PPM1L: variants seen among roughly 807,000 people sequenced by gnomAD.
The protein encoded by PPM1L is protein phosphatase 1L.
In PPM1L, 13 loss-of-function variants were observed where a neutral mutation model predicts 31.4. The observed-to-expected ratio is 0.41, with a 90% CI of 0.27 to 0.66. The LOEUF is 0.66. Ranked by LOEUF, PPM1L falls within the 30% of genes least tolerant of loss-of-function variation. The pLI is 0.29. For missense variants in PPM1L, 326 were observed against 453.7 expected (o/e 0.72, Z 2.56); for synonymous variants, 184 against 175.4 (o/e 1.05, Z -0.39).
chr3:160,803,667 A>G lies in PPM1L; in HGVS notation c.399+46960A>G, dbSNP rs1341324547. On this transcript the variant is annotated intron_variant, in intron 1 of 3. Coordinates refer to ENST00000498165, the MANE Select transcript of PPM1L (RefSeq NM_139245.4). ...TGGCTCCACTTAGATGACTTTGTTT[A>G]TTTATTTTTTGCTAATAAACAATCT... Among the ~76,000 whole-genome samples the G allele has an allele frequency of 2.6e-5, 4 of 152,176 alleles. No homozygotes were observed. The East Asian group carries it at 7.7e-4, about 29-fold the overall frequency.
At chr3:161,005,843 T>G (rs956601177) in intron 2 of PPM1L, among the ~76,000 whole-genome samples, 1 of 152,086 alleles carries the variant, frequency 6.6e-6, no homozygotes, top group Admixed American at 6.6e-5. Flanking sequence ...GTGCAAAGAT[T>G]AAAATATAAA....
intron 1 of PPM1L, among the ~76,000 whole-genome samples, chr3:160,797,434 A>G (rs1021145899): frequency 6.6e-6 from 1 of 152,194 alleles, no homozygotes; most frequent in African/African-American, 2.4e-5. Context: ...TAGGCCAATT[A>G]GTAACTCTTC....
chr3:161,076,883 T>C lies in PPM1L; in HGVS notation c.*7726T>C, dbSNP rs1051775337. 2.6e-5 allele frequency: 4 copies of C among 152,262 alleles called. No individual in the cohort carries two copies. Among genetic ancestry groups the C allele is most frequent in the African/African-American group, 9.6e-5 (4 of 41,472 alleles). 9.4% of individuals were successfully genotyped at this position (152,262 alleles called of 1,614,324 possible). ...TTCTTAAAAATAAATAGAAGCATCA[T>C]TGCATTTATAACAGATTGATCAATC... is the stretch of plus-strand genomic sequence containing the variant. On this transcript the variant is annotated 3_prime_UTR_variant, in exon 4 of 4. Transcript: ENST00000498165.
At position 160,820,389 on chromosome 3, in the gene PPM1L, C is replaced by A. The variant is rs1576653740; in HGVS notation, c.399+63682C>A. On this transcript the variant is annotated intron_variant, in intron 1 of 3. Coordinates refer to ENST00000498165, the MANE Select transcript of PPM1L (RefSeq NM_139245.4). ...GTAGATTAATTAAAACATAAAAGTA[C>A]ATGCAAAAGGATGTAAAATTTAATG... 2.6e-5 allele frequency among the ~76,000 whole-genome samples: 4 copies of A among 152,004 alleles called. No individual in the cohort carries two copies. In the South Asian group the frequency reaches 8.3e-4, roughly 31 times the overall value.
intron 1 of PPM1L, among the ~76,000 whole-genome samples, chr3:160,762,950 T>A (rs1715009142): frequency 6.6e-6 from 1 of 152,156 alleles, no homozygotes; most frequent in Admixed American, 6.5e-5. Context: ...TTAAGTATAT[T>A]TATTTGAAAA....
At position 160,968,348 on chromosome 3, in the gene PPM1L, G is replaced by A. The variant is rs369135785; in HGVS notation, c.574+6438G>A. Among the ~76,000 whole-genome samples the A allele has an allele frequency of 1.2e-3, 182 of 152,240 alleles. 1 individual carries two copies. The highest frequency in any genetic ancestry group is 6.8e-3 in the Middle Eastern group (2 of 294). Reference sequence around the variant, plus strand: ...GTTTTCGTACACTTCAGTAGATTGGGTTTAACACAGAGAAGTTTTCAAGGA... The same window carrying A: ...GTTTTCGTACACTTCAGTAGATTGGATTTAACACAGAGAAGTTTTCAAGGA... On this transcript the variant is annotated intron_variant, in intron 2 of 3. Transcript: ENST00000498165.
At chr3:161,046,838 C>A (rs1719096634) in intron 2 of PPM1L, among the ~76,000 whole-genome samples, 1 of 152,086 alleles carries the variant, frequency 6.6e-6, no homozygotes, top group African/African-American at 2.4e-5. Context: ...AAAACAAAAA[C>A]CACATGATTA....
intron 2 of PPM1L, among the ~76,000 whole-genome samples, chr3:161,045,347 C>T (rs1352792729): frequency 6.6e-6 from 1 of 152,180 alleles, no homozygotes; most frequent in Non-Finnish European, 1.5e-5. Context: ...CGCACTTATT[C>T]CAAAATTGAC....
chr3:161,003,238 GT>G (rs1717568813), intron 2 of PPM1L, among the ~76,000 whole-genome samples: 1 of 150,298 alleles, frequency 6.7e-6, no homozygotes. Flanking sequence ...TTTGGTTACT[GT>G]AGCCTTGTAG....
At chr3:160,861,178 G>A (rs148260296) in intron 1 of PPM1L, among the ~76,000 whole-genome samples, 1,860 of 152,230 alleles carry the variant, frequency 0.012, 19 homozygotes, top group Non-Finnish European at 0.02. Flanking sequence ...GTATTCTTTC[G>A]TTGCCACTGT....
chr3:161,059,519 A>G (rs908361903), intron 2 of PPM1L, among the ~76,000 whole-genome samples: 4 of 152,162 alleles, frequency 2.6e-5, no homozygotes, highest in Non-Finnish European at 4.4e-5. Context: ...GCATTATGTC[A>G]GGTCAGGACA....
intron 1 of PPM1L, among the ~76,000 whole-genome samples, chr3:160,863,111 T>C (rs1711962786): frequency 6.6e-6 from 1 of 152,214 alleles, no homozygotes; most frequent in Admixed American, 6.5e-5. Context: ...TTTGGGTGTT[T>C]TTGTCCAAAA....
At chr3:160,984,598 T>C (rs1389792146) in intron 2 of PPM1L, among the ~76,000 whole-genome samples, 2 of 152,162 alleles carry the variant, frequency 1.3e-5, no homozygotes, top group Non-Finnish European at 2.9e-5. Flanking sequence ...GATTGGGGAA[T>C]TGATAAATGT....
chr3:160,858,574 G>GT (rs1180395674), intron 1 of PPM1L, among the ~76,000 whole-genome samples: 1 of 152,182 alleles, frequency 6.6e-6, no homozygotes, highest in Admixed American at 6.5e-5. Context: ...TTTTATATTT[G>GT]TTTTTATAAT....
At chr3:160,816,842 G>A (rs1471188090) in intron 1 of PPM1L, among the ~76,000 whole-genome samples, 1 of 151,996 alleles carries the variant, frequency 6.6e-6, no homozygotes, top group East Asian at 1.9e-4. Flanking sequence ...GAGAACCTTG[G>A]ACAATGGTTA....
At chr3:161,044,911 AAAGGG>A (rs1487938087) in intron 2 of PPM1L, among the ~76,000 whole-genome samples, 24 of 152,232 alleles carry the variant, frequency 1.6e-4, no homozygotes, top group African/African-American at 5.5e-4. Context: ...GGCTCAAAAT[AAAGGG>A]ATGGAGGAAG....
At chr3:160,831,121 G>A (rs1713513931) in intron 1 of PPM1L, among the ~76,000 whole-genome samples, 1 of 152,060 alleles carries the variant, frequency 6.6e-6, no homozygotes, top group African/African-American at 2.4e-5. Flanking sequence ...TTTCACTGGT[G>A]GACACATATT....
At chr3:160,795,655 A>G (rs1712224991) in intron 1 of PPM1L, among the ~76,000 whole-genome samples, 2 of 152,226 alleles carry the variant, frequency 1.3e-5, no homozygotes, top group African/African-American at 4.8e-5. Flanking sequence ...TAAAACATTA[A>G]TAGTAACTTT....
Position 160,803,500 on chromosome 3 carries a change from T to C in PPM1L, c.399+46793T>C, listed in dbSNP as rs1461600924. Among the ~76,000 whole-genome samples the C allele has an allele frequency of 2.9e-5, 3 of 102,204 alleles. 1 individual carries two copies. The highest frequency in any genetic ancestry group is 5.3e-5 in the Non-Finnish European group (3 of 56,508). 67.0% of individuals were successfully genotyped at this position (102,204 alleles called of 152,430 possible). On this transcript the variant is annotated intron_variant, in intron 1 of 3. Coordinates refer to ENST00000498165, the MANE Select transcript of PPM1L (RefSeq NM_139245.4). The stretch of plus-strand genomic sequence containing the variant: ...TGTAGACATGCCTTATGGCTCCACT[T>C]AGAAATGTCATATTTTAGAGAGATC...
Sources: gnomAD v4.1 joint callset for allele counts (sites outside exome capture counted in the v4.1 genomes callset) on GRCh38, gnomAD v4.1.1 for gene constraint, MANE v1.5 for transcripts, NCBI Gene and HGNC (gene_info 2026-07-23, HGNC 2026-07-21) for gene names.